Variants in EFCAB6 observed in about 807,000 individuals in gnomAD.
EFCAB6 encodes the protein EF-hand calcium-binding domain-containing protein 6.
Under a neutral mutation model 169.8 loss-of-function variants are expected in EFCAB6, and 156 were observed. The observed-to-expected ratio is 0.92, with a 90% confidence interval of 0.81 to 1.05. The LOEUF is 1.05. EFCAB6 is among the 50% of genes least tolerant of loss of function. The pLI is 0.00. For synonymous variants in EFCAB6, 698 were observed against 676.4 expected (o/e 1.03, Z -0.50); for missense variants, 1,800 against 1,829.1 (o/e 0.98, Z 0.29).
Position 43,537,078 on chromosome 22 carries a change from C to T in EFCAB6, c.4048+299G>A, listed in dbSNP as rs553979701. 3.0e-4 allele frequency: 79 copies of T among 262,190 alleles called. No individual in the cohort carries two copies. The East Asian group carries it at 5.8e-3, about 19-fold the overall frequency. 16.2% of individuals were successfully genotyped at this position (262,190 alleles called of 1,614,324 possible). Reference sequence around the variant, plus strand: ...TTCCATTTCCTTCTGCAGTCAGAGTCTGTGAACATTCACACTCTGCCCAGG... The same window carrying T: ...TTCCATTTCCTTCTGCAGTCAGAGTTTGTGAACATTCACACTCTGCCCAGG... On this transcript the variant is annotated intron_variant, in intron 29 of 31. Transcript: ENST00000262726. The surrounding 1 kb of genome is among the most constrained non-coding windows in gnomAD (Gnocchi z 4.3).
At chr22:43,778,264 C>T (rs901193398) in intron 3 of EFCAB6, among the ~76,000 whole-genome samples, 4 of 152,284 alleles carry the variant, frequency 2.6e-5, no homozygotes, top group South Asian at 2.1e-4. Flanking sequence ...AGCAGGTCTG[C>T]GCTCACCCTC....
chr22:43,675,879 C>T (rs1742522488), intron 13 of EFCAB6, among the ~76,000 whole-genome samples: 1 of 151,318 alleles, frequency 6.6e-6, no homozygotes, highest in African/African-American at 2.4e-5. Context: ...GCCAGTATTT[C>T]TACTTCTAAA....
intron 23 of EFCAB6, 152 bp downstream of exon 23, chr22:43,599,917 C>T (rs938736965): frequency 4.6e-6 from 4 of 864,850 alleles, no homozygotes; most frequent in South Asian, 1.8e-5. Context: ...GACTTCGCAC[C>T]AATTTCTAGA....
intron 26 of EFCAB6, 106 bp from the exon 27 acceptor site, chr22:43,555,202 G>A: frequency 6.7e-6 from 8 of 1,190,494 alleles, no homozygotes; most frequent in Non-Finnish European, 8.3e-6. Flanking sequence ...GCGTGGTGGG[G>A]AGGAGAGGCC....
intron 24 of EFCAB6, among the ~76,000 whole-genome samples, chr22:43,586,797 C>A (rs1391114047): frequency 6.6e-6 from 1 of 152,118 alleles, no homozygotes; most frequent in Admixed American, 6.5e-5. Flanking sequence ...AATGCACACT[C>A]CCGAGCCCAC....
chr22:43,643,819 G>A (rs1401669923), intron 17 of EFCAB6, among the ~76,000 whole-genome samples: 1 of 151,928 alleles, frequency 6.6e-6, no homozygotes, highest in Non-Finnish European at 1.5e-5. Context: ...AACAAAATAA[G>A]CATTTGTTCT....
intron 26 of EFCAB6, among the ~76,000 whole-genome samples, chr22:43,575,572 T>C (rs1026341612): frequency 1.3e-5 from 2 of 151,492 alleles, no homozygotes; most frequent in Non-Finnish European, 2.9e-5. Context: ...TGCATTACTA[T>C]AAGAAAAAAT....
rs966937897 is a variant in EFCAB6 at position 43,599,945 on chromosome 22, A to G, written c.2876+124T>C. 8.5e-5 allele frequency: 94 copies of G among 1,103,776 alleles called. No homozygotes were observed. The African/African-American group carries it at 1.4e-3, about 16-fold the overall frequency. 68.4% of individuals were successfully genotyped at this position (1,103,776 alleles called of 1,614,324 possible). A position where few individuals can be genotyped will look rare whatever the true frequency, so the allele number is the denominator to read the frequency against. ...TTTCTAGAATCGACAACTGTGAACA[A>G]GCACGATCATTTCCCTGTAACTTTG... On this transcript the variant is annotated intron_variant, in intron 23 of 31. Coordinates refer to ENST00000262726, the MANE Select transcript of EFCAB6 (RefSeq NM_022785.4).
chr22:43,624,729 A>C (rs562483652), intron 20 of EFCAB6, among the ~76,000 whole-genome samples: 3 of 152,310 alleles, frequency 2.0e-5, no homozygotes, highest in African/African-American at 7.2e-5. Context: ...TGAGCCCCTC[A>C]AAAGGAGCAT....
At chr22:43,662,406 A>G (rs1199597401) in intron 17 of EFCAB6, among the ~76,000 whole-genome samples, 1 of 152,054 alleles carries the variant, frequency 6.6e-6, no homozygotes, top group Non-Finnish European at 1.5e-5. Context: ...GCTGGTGGGA[A>G]TAAATAATTG....
In EFCAB6 at chr22:43,572,191, G is replaced by A. The variant is rs2049930028; in HGVS notation, c.3420+4106C>T. 3.9e-5 allele frequency among the ~76,000 whole-genome samples: 6 copies of A among 152,334 alleles called. No homozygotes were observed. In the South Asian group the frequency reaches 1.2e-3, roughly 32 times the overall value. On this transcript the variant is annotated intron_variant, in intron 26 of 31. Coordinates refer to ENST00000262726, the MANE Select transcript of EFCAB6 (RefSeq NM_022785.4). This position sits in a 1 kb window ranked among gnomAD's most constrained non-coding sequence, Gnocchi z 4.0. ...GCTGCAATTTTCTCATGAGGATGTT[G>A]AGCAGGTGCTTCTGGAGGTGAAGGC...
intron 10 of EFCAB6, among the ~76,000 whole-genome samples, chr22:43,711,052 A>G (rs1384187789): frequency 6.6e-6 from 1 of 152,218 alleles, no homozygotes; most frequent in Non-Finnish European, 1.5e-5. Flanking sequence ...CCTGATTTAA[A>G]TAAATTTAAA....
chr22:43,607,324 C>T (rs1473473037), intron 22 of EFCAB6, among the ~76,000 whole-genome samples: 1 of 152,182 alleles, frequency 6.6e-6, no homozygotes, highest in East Asian at 1.9e-4. Context: ...TTGACTTGCT[C>T]TCTGCTCAGG....
chr22:43,678,233 G>A (rs1207925491), intron 12 of EFCAB6, 70 bp from the exon 13 acceptor site: 6 of 1,460,024 alleles, frequency 4.1e-6, no homozygotes, highest in Non-Finnish European at 3.7e-6. Context: ...TGTTATGTAT[G>A]TTTAGCATCA....
At chr22:43,598,310 G>GAAA (rs1402967848) in intron 23 of EFCAB6, among the ~76,000 whole-genome samples, 7,433 of 57,560 alleles carry the variant, frequency 0.13, 2,551 homozygotes, top group South Asian at 0.35. Context: ...ACTGTCTCCG[G>GAAA]GAAAAAAAAA....
intron 24 of EFCAB6, among the ~76,000 whole-genome samples, chr22:43,586,202 G>A (rs1199409091): frequency 3.3e-5 from 5 of 152,258 alleles, no homozygotes; most frequent in Admixed American, 6.5e-5. Context: ...TGACAGCCAT[G>A]TCATCAGGTA....
chr22:43,573,430 G>T (rs1159250786), intron 26 of EFCAB6, among the ~76,000 whole-genome samples: 3 of 150,768 alleles, frequency 2.0e-5, no homozygotes, highest in African/African-American at 7.3e-5. Flanking sequence ...ACTCCTAGAG[G>T]ACATTCATAT....
chr22:43,634,130 A>T (rs1365363469), intron 18 of EFCAB6, among the ~76,000 whole-genome samples: 1 of 152,124 alleles, frequency 6.6e-6, no homozygotes, highest in East Asian at 1.9e-4. Context: ...GGGGCAAGTG[A>T]CCTATGCACC....
At chr22:43,626,009 G>T (rs1467717172) in intron 20 of EFCAB6, among the ~76,000 whole-genome samples, 1 of 152,136 alleles carries the variant, frequency 6.6e-6, no homozygotes, top group African/African-American at 2.4e-5. Flanking sequence ...ATATATTTTT[G>T]AACCCAGATT....
Sources: gnomAD v4.1 joint callset for allele counts (sites outside exome capture counted in the v4.1 genomes callset) on GRCh38, gnomAD v4.1.1 for gene constraint, Gnocchi (gnomAD v3.1) non-coding constraint, MANE v1.5 for transcripts, NCBI Gene and HGNC (gene_info 2026-07-23, HGNC 2026-07-21) for gene names.